SLCO6A1: variants seen among roughly 807,000 people sequenced by gnomAD.
SLCO6A1 encodes cancer/testis antigen 48.
A neutral mutation model predicts 72.7 loss-of-function variants in SLCO6A1; 65 were observed. The ratio of observed to expected loss-of-function variants is 0.89; its 90% CI spans 0.73 to 1.10. The LOEUF (loss-of-function observed/expected upper bound fraction) is 1.10, where lower values mean the gene tolerates loss of function less well. Ranked by LOEUF, SLCO6A1 falls within the 50% of genes least tolerant of loss-of-function variation. SLCO6A1 has a pLI of 0.00. For synonymous variants in SLCO6A1, 314 were observed against 298.2 expected, an observed-to-expected ratio of 1.05 and a Z score of -0.55; for missense variants, 874 against 872.6, an observed-to-expected ratio of 1.00 and a Z score of -0.02.
chr5:102,441,957 T>C (rs1749858484), intron 6 of SLCO6A1, among the ~76,000 whole-genome samples: 1 of 152,048 alleles, frequency 6.6e-6, no homozygotes, highest in African/African-American at 2.4e-5. Flanking sequence ...GCTTTTTTCA[T>C]ACGTTCTTCT....
intron 12 of SLCO6A1, among the ~76,000 whole-genome samples, chr5:102,380,625 T>C (rs1161411926): frequency 6.6e-6 from 1 of 152,004 alleles, no homozygotes; most frequent in African/African-American, 2.4e-5. Context: ...GCATAAAACC[T>C]TTAGCAATGA....
At chr5:102,446,083 T>C (rs991615453) in intron 6 of SLCO6A1, among the ~76,000 whole-genome samples, 3 of 152,104 alleles carry the variant, frequency 2.0e-5, no homozygotes, top group Non-Finnish European at 4.4e-5. Context: ...AATTCTAGAA[T>C]GGTGGTTTTT....
intron 7 of SLCO6A1, among the ~76,000 whole-genome samples, chr5:102,422,904 C>G (rs1345836873): frequency 6.6e-6 from 1 of 150,686 alleles, no homozygotes; most frequent in Non-Finnish European, 1.5e-5. Context: ...TAAGGGAAGC[C>G]CATCAGACTA....
At position 102,400,998 on chromosome 5, in the gene SLCO6A1, T is replaced by C. The variant is rs562368066; in HGVS notation, c.1627-1256A>G. Among the ~76,000 whole-genome samples the C allele has an allele frequency of 2.7e-3, 408 of 151,912 alleles. 1 individual carries two copies. Among genetic ancestry groups the C allele is most frequent in the African/African-American group, 9.5e-3 (394 of 41,470 alleles). ...CAGGACATTTTAAAAAAAAGGAACT[T>C]GAGTATTTAATGATAAGTGCTATGG... On this transcript the variant is annotated intron_variant, in intron 9 of 13. Coordinates refer to ENST00000506729, the MANE Select transcript of SLCO6A1 (RefSeq NM_173488.5).
chr5:102,411,333 T>C (rs984314091), intron 9 of SLCO6A1, among the ~76,000 whole-genome samples: 1 of 152,032 alleles, frequency 6.6e-6, no homozygotes, highest in African/African-American at 2.4e-5. Context: ...GGCACAATCA[T>C]GACTCACCAT....
chr5:102,424,464 A>C (rs898642400), intron 7 of SLCO6A1, among the ~76,000 whole-genome samples: 1 of 152,190 alleles, frequency 6.6e-6, no homozygotes, highest in Non-Finnish European at 1.5e-5. Context: ...ACAATAATAC[A>C]AACTACCATC....
At chr5:102,374,050 T>C (rs1745642780) in intron 12 of SLCO6A1, among the ~76,000 whole-genome samples, 1 of 144,050 alleles carries the variant, frequency 6.9e-6, no homozygotes, top group Admixed American at 6.9e-5. Flanking sequence ...TTTTTTTTTT[T>C]CTTTTGAGAC....
chr5:102,492,456 G>A (rs887727649), intron 1 of SLCO6A1, among the ~76,000 whole-genome samples: 4 of 152,132 alleles, frequency 2.6e-5, no homozygotes, highest in Admixed American at 6.5e-5. Context: ...AGTTCCCAGC[G>A]TGAGCAACAT....
chr5:102,479,878 A>G (rs1217461394), intron 2 of SLCO6A1, among the ~76,000 whole-genome samples: 2 of 152,174 alleles, frequency 1.3e-5, no homozygotes, highest in Non-Finnish European at 2.9e-5. Flanking sequence ...CTCAAAGAAA[A>G]TTCAAGTTGT....
intron 1 of SLCO6A1, among the ~76,000 whole-genome samples, chr5:102,493,363 G>A (rs952908133): frequency 2.0e-5 from 3 of 151,984 alleles, no homozygotes; most frequent in South Asian, 4.1e-4. Flanking sequence ...ATTAAAAAAC[G>A]CAATATATCA....
intron 7 of SLCO6A1, among the ~76,000 whole-genome samples, chr5:102,421,273 C>A (rs1189757150): frequency 6.6e-6 from 1 of 151,930 alleles, no homozygotes; most frequent in Non-Finnish European, 1.5e-5. Flanking sequence ...TGAGACAGAA[C>A]TGTTCACTCC....
chr5:102,422,815 C>T (rs2112623544), intron 7 of SLCO6A1, among the ~76,000 whole-genome samples: 1 of 152,232 alleles, frequency 6.6e-6, no homozygotes, highest in East Asian at 1.9e-4. Flanking sequence ...CCCCAAGACA[C>T]ATAATCATCA....
chr5:102,383,095 A>ATATATATATATATACATATATATATATAT (rs1554064835), intron 12 of SLCO6A1, among the ~76,000 whole-genome samples: 1 of 128,572 alleles, frequency 7.8e-6, no homozygotes, highest in African/African-American at 3.0e-5. Flanking sequence ...TATGTGTGTG[A>ATATATATATATATACATATATATATATAT]ATATATATAT....
At chr5:102,478,365 T>C (rs1752021041) in intron 2 of SLCO6A1, among the ~76,000 whole-genome samples, 1 of 152,208 alleles carries the variant, frequency 6.6e-6, no homozygotes, top group African/African-American at 2.4e-5. Context: ...GCTAAAAGTA[T>C]TTCTAATGTT....
At chr5:102,455,844 C>A (rs947646210) in intron 6 of SLCO6A1, among the ~76,000 whole-genome samples, 36 of 152,166 alleles carry the variant, frequency 2.4e-4, no homozygotes, top group African/African-American at 8.4e-4. Flanking sequence ...AGTCTTGATA[C>A]AAAAATCCTC....
At chr5:102,410,790 T>C (rs1465238093) in intron 9 of SLCO6A1, among the ~76,000 whole-genome samples, 1 of 152,164 alleles carries the variant, frequency 6.6e-6, no homozygotes, top group Admixed American at 6.5e-5. Context: ...TAACATATAT[T>C]CGAGTCACAT....
intron 4 of SLCO6A1, among the ~76,000 whole-genome samples, chr5:102,473,039 G>C (rs754065973): frequency 1.3e-5 from 2 of 151,898 alleles, no homozygotes; most frequent in African/African-American, 4.8e-5. Context: ...CTGGAGAACC[G>C]TACCAAATAT....
intron 1 of SLCO6A1, among the ~76,000 whole-genome samples, chr5:102,487,100 A>G (rs115576427): frequency 0.028 from 4,307 of 152,310 alleles, 102 homozygotes; most frequent in Non-Finnish European, 0.046. Context: ...GGAATTGAAA[A>G]TGAGCAAAAT....
In SLCO6A1 at chr5:102,390,393, G is replaced by A. The variant is rs189021905; in HGVS notation, c.1879+588C>T. ...AATTTCTCTGATCTCTATCAGAGCC[G>A]CACTTAGATTTTTCTACATTTTTAA... On this transcript the variant is annotated intron_variant, in intron 11 of 13. Transcript: ENST00000506729. 3.8e-3 allele frequency among the ~76,000 whole-genome samples: 583 copies of A among 152,172 alleles called. 2 individuals are homozygous for A. Among genetic ancestry groups the A allele is most frequent in the Non-Finnish European group, 5.0e-3 (339 of 68,000 alleles).
Sources: allele counts gnomAD v4.1 joint callset (sites outside exome capture counted in the v4.1 genomes callset), GRCh38; gene constraint gnomAD v4.1.1; transcripts MANE v1.5; gene names NCBI Gene and HGNC (gene_info 2026-07-23, HGNC 2026-07-21).